SUPT3H: variants seen among roughly 807,000 people sequenced by gnomAD.
SUPT3H encodes transcription initiation protein SPT3 homolog.
SUPT3H carries 44 observed loss-of-function variants against 44.3 expected under a neutral mutation model. That is an observed-to-expected ratio of 0.99 (90% confidence interval 0.78 to 1.28). SUPT3H has a LOEUF of 1.28. Among genes scored for constraint, SUPT3H ranks in the 50% most tolerant of loss-of-function variants. The pLI is 0.00. For synonymous variants in SUPT3H, 124 were observed against 125.6 expected (o/e 0.99, Z 0.09); for missense variants, 380 against 387.1 (o/e 0.98, Z 0.15).
chr6:45,253,844 T>TAC (rs1484975388), intron 2 of SUPT3H, among the ~76,000 whole-genome samples: 2 of 87,210 alleles, frequency 2.3e-5, no homozygotes, highest in African/African-American at 8.0e-5. Flanking sequence ...CGTACACATA[T>TAC]ACGCATATAT....
intron 2 of SUPT3H, among the ~76,000 whole-genome samples, chr6:45,152,917 G>A (rs1807183568): frequency 1.3e-5 from 2 of 152,038 alleles, no homozygotes; most frequent in African/African-American, 4.8e-5. Flanking sequence ...TGGCTTCTTT[G>A]CCCTCATCTA....
At chr6:45,182,664 A>G (rs1191948362) in intron 2 of SUPT3H, among the ~76,000 whole-genome samples, 1 of 152,202 alleles carries the variant, frequency 6.6e-6, no homozygotes. Flanking sequence ...GACCTACGAA[A>G]GCTTAATATG....
At chr6:44,930,031 T>C (rs1029814435) in intron 10 of SUPT3H, among the ~76,000 whole-genome samples, 5 of 151,900 alleles carry the variant, frequency 3.3e-5, no homozygotes, top group Non-Finnish European at 7.4e-5. Context: ...GTGGATCACC[T>C]GAGGTCAGGA....
At chr6:44,932,250 C>T (rs982349282) in intron 10 of SUPT3H, among the ~76,000 whole-genome samples, 10 of 152,166 alleles carry the variant, frequency 6.6e-5, no homozygotes, top group Admixed American at 6.5e-4. Flanking sequence ...ATCTCTTCTT[C>T]TTCCAACTAA....
At chr6:45,272,204 G>GT (rs1389021767) in intron 2 of SUPT3H, among the ~76,000 whole-genome samples, 1 of 152,144 alleles carries the variant, frequency 6.6e-6, no homozygotes, top group Non-Finnish European at 1.5e-5. Context: ...GGCATGTTTG[G>GT]TTTTGAAATG....
At chr6:45,295,435 G>A (rs930335667) in intron 2 of SUPT3H, among the ~76,000 whole-genome samples, 5 of 147,342 alleles carry the variant, frequency 3.4e-5, no homozygotes, top group Admixed American at 2.8e-4. Flanking sequence ...GCTTAGGCAA[G>A]GATTTCATGA....
chr6:45,315,926 T>C (rs74551305), intron 2 of SUPT3H, among the ~76,000 whole-genome samples: 4,358 of 64,138 alleles, frequency 0.068, 88 homozygotes, highest in Non-Finnish European at 0.093. Flanking sequence ...GATAGACAGA[T>C]AGATAGATAG....
chr6:45,226,457 C>T (rs1214837895), intron 2 of SUPT3H, among the ~76,000 whole-genome samples: 1 of 152,070 alleles, frequency 6.6e-6, no homozygotes, highest in African/African-American at 2.4e-5. Context: ...AATTGTCATG[C>T]TTTGGGAGGC....
In SUPT3H at chr6:45,084,376, C is replaced by A. The variant is rs560775253; in HGVS notation, c.186+21546G>T. ...GAAAAGAAAACATACAAGCTACCAA[C>A]AACATATGAAAAAAATTTCCATATC... On this transcript the variant is annotated intron_variant, in intron 3 of 10. Transcript: ENST00000371459. Among the ~76,000 whole-genome samples the A allele has an allele frequency of 1.6e-4, 24 of 152,206 alleles. No homozygotes were observed. The East Asian group carries it at 1.9e-3, about 12-fold the overall frequency.
intron 10 of SUPT3H, among the ~76,000 whole-genome samples, chr6:44,848,740 G>C (rs1005853877): frequency 3.9e-5 from 6 of 152,144 alleles, no homozygotes; most frequent in East Asian, 1.9e-4. Context: ...TGTAATTCTG[G>C]AAAGCAGGGG....
intron 11 of SUPT3H, among the ~76,000 whole-genome samples, chr6:44,818,257 CA>C (rs145243600): frequency 0.11 from 16,096 of 150,276 alleles, 1,305 homozygotes; most frequent in African/African-American, 0.22. Flanking sequence ...CATCCATATG[CA>C]AAAAAAACAA....
At chr6:45,055,441 A>T (rs1583282494) in intron 3 of SUPT3H, among the ~76,000 whole-genome samples, 1 of 152,204 alleles carries the variant, frequency 6.6e-6, no homozygotes, top group East Asian at 1.9e-4. Flanking sequence ...ACATGGCTGT[A>T]TTCACCAAAA....
intron 2 of SUPT3H, among the ~76,000 whole-genome samples, chr6:45,329,614 A>T (rs1787049621): frequency 6.6e-6 from 1 of 151,962 alleles, no homozygotes; most frequent in African/African-American, 2.4e-5. Flanking sequence ...TACCAAAATG[A>T]ATAACTGCTG....
chr6:44,957,517 A>G (rs1775390474), intron 7 of SUPT3H, among the ~76,000 whole-genome samples: 1 of 152,152 alleles, frequency 6.6e-6, no homozygotes, highest in Non-Finnish European at 1.5e-5. Flanking sequence ...TACATTAATC[A>G]CTTATCTCCT....
chr6:44,896,380 T>G (rs1342256716), intron 10 of SUPT3H, among the ~76,000 whole-genome samples: 1 of 152,198 alleles, frequency 6.6e-6, no homozygotes, highest in Non-Finnish European at 1.5e-5. Context: ...ATATTTTAAT[T>G]CATTGAATTC....
intron 3 of SUPT3H, among the ~76,000 whole-genome samples, chr6:45,062,679 C>A (rs76362561): frequency 6.6e-6 from 1 of 152,156 alleles, no homozygotes; most frequent in Admixed American, 6.5e-5. Context: ...GTTCCCTTTC[C>A]GAGTCAAAGA....
intron 10 of SUPT3H, among the ~76,000 whole-genome samples, chr6:44,889,021 T>G (rs1022355177): frequency 2.9e-4 from 43 of 147,188 alleles, no homozygotes; most frequent in African/African-American, 1.0e-3. Context: ...GCACAATTGC[T>G]TCAAAGAGAA....
At chr6:45,294,464 T>A (rs1780792146) in intron 2 of SUPT3H, among the ~76,000 whole-genome samples, 1 of 151,988 alleles carries the variant, frequency 6.6e-6, no homozygotes, top group African/African-American at 2.4e-5. Flanking sequence ...AGCACAGTAC[T>A]GAAAGTCCTA....
At position 45,169,747 on chromosome 6, in the gene SUPT3H, T is replaced by C. The variant is rs111371953; in HGVS notation, c.102-63741A>G. ...TCTAAGAGCTTTTTTCTGTAAAATG[T>C]AGTTTTATTATTTTCTAGGCAGAAC... On this transcript the variant is annotated intron_variant, in intron 2 of 10. Coordinates refer to ENST00000371459, the MANE Select transcript of SUPT3H (RefSeq NM_003599.4). Among the ~76,000 whole-genome samples, 922 of 152,302 alleles carry C rather than the reference T, an allele frequency of 6.1e-3. 5 individuals are homozygous for C. The highest frequency in any genetic ancestry group is 0.011 in the Non-Finnish European group (739 of 68,026).
Sources: gnomAD v4.1 joint callset for allele counts (sites outside exome capture counted in the v4.1 genomes callset) on GRCh38, gnomAD v4.1.1 for gene constraint, MANE v1.5 for transcripts, NCBI Gene and HGNC (gene_info 2026-07-23, HGNC 2026-07-21) for gene names.